The following NALCN variants were observed in gnomAD, a reference collection of about 807,000 sequenced individuals.
The protein encoded by NALCN is sodium leak channel, non-selective.
Under a neutral mutation model 225.3 loss-of-function variants are expected in NALCN, and 111 were observed. The observed-to-expected ratio is 0.49, with a 90% confidence interval of 0.42 to 0.58. NALCN has a LOEUF of 0.58. Ranked by LOEUF, NALCN falls within the 20% of genes least tolerant of loss-of-function variation. The pLI is 0.00. For synonymous variants in NALCN, 764 were observed against 769.0 expected (o/e 0.99, Z 0.11); for missense variants, 1,378 against 2,202.4 (o/e 0.63, Z 7.49).
chr13:101,128,753 G>A (rs371963756), intron 17 of NALCN, among the ~76,000 whole-genome samples: 278 of 151,782 alleles, frequency 1.8e-3, no homozygotes, highest in African/African-American at 6.3e-3. Flanking sequence ...TAAGAGATGG[G>A]GTTTCTTCAT....
chr13:101,259,372 C>T (rs1406467663), intron 10 of NALCN, among the ~76,000 whole-genome samples: 11 of 151,920 alleles, frequency 7.2e-5, no homozygotes, highest in African/African-American at 1.4e-4. Context: ...CTCGCTCTCT[C>T]GCCCAGGCTA....
chr13:101,089,558 T>C lies in NALCN; in HGVS notation c.3489+105A>G, dbSNP rs1267532410. On this transcript the variant is annotated intron_variant, in intron 30 of 43. Coordinates refer to ENST00000251127, the MANE Select transcript of NALCN (RefSeq NM_052867.4). The surrounding 1 kb of genome is among the most constrained non-coding windows in gnomAD (Gnocchi z 4.7). ...TAGAGATTATTTACACCAGTCACAT[T>C]ACAGTTTAAAGCGGCTTCACGCCGC... The C allele has an allele frequency of 3.3e-6, 3 of 912,078 alleles. No homozygotes were observed. Among genetic ancestry groups the C allele is most frequent in the Admixed American group, 2.5e-5 (1 of 40,554 alleles). The allele number at this position is 912,078 out of a possible 1,614,324, so 56.5% of individuals were successfully genotyped here. A position where few individuals can be genotyped will look rare whatever the true frequency, so the allele number is the denominator to read the frequency against.
At chr13:101,383,442 T>C (rs1009426421) in intron 3 of NALCN, among the ~76,000 whole-genome samples, 6 of 152,130 alleles carry the variant, frequency 3.9e-5, no homozygotes, top group Non-Finnish European at 8.8e-5. Context: ...ATGGTAAATG[T>C]TTGAGTGTAT....
At chr13:101,075,456 A>C (rs1323078174) in intron 35 of NALCN, among the ~76,000 whole-genome samples, 1 of 15,192 alleles carries the variant, frequency 6.6e-5, no homozygotes, top group East Asian at 7.5e-4. Context: ...TCCATCTCAA[A>C]AAAAAAAAAA....
intron 6 of NALCN, among the ~76,000 whole-genome samples, chr13:101,349,712 T>G (rs560974615): frequency 6.6e-6 from 1 of 152,282 alleles, no homozygotes; most frequent in Admixed American, 6.5e-5. Flanking sequence ...ACCTTTCTCT[T>G]TTCATGATAA....
At chr13:101,213,669 T>C (rs1480343610) in intron 13 of NALCN, among the ~76,000 whole-genome samples, 1 of 152,216 alleles carries the variant, frequency 6.6e-6, no homozygotes, top group Non-Finnish European at 1.5e-5. Flanking sequence ...AAGACATTTA[T>C]GCAGCCAAAA....
At chr13:101,274,142 C>T (rs517505) in intron 10 of NALCN, among the ~76,000 whole-genome samples, 123,833 of 152,076 alleles carry the variant, frequency 0.81, 50,775 homozygotes, top group African/African-American at 0.9. Flanking sequence ...GTCAAAGGTG[C>T]TCATATCCTT....
chr13:101,325,069 A>C (rs77902805), intron 7 of NALCN, among the ~76,000 whole-genome samples: 6,795 of 152,086 alleles, frequency 0.045, 338 homozygotes, highest in East Asian at 0.26. Flanking sequence ...CCAAAACTTC[A>C]CCTGTCTGTT....
intron 3 of NALCN, among the ~76,000 whole-genome samples, chr13:101,384,698 T>A (rs1271183314): frequency 6.6e-6 from 1 of 152,184 alleles, no homozygotes; most frequent in Non-Finnish European, 1.5e-5. Flanking sequence ...ATGCATGAAG[T>A]GCTCTGCAAC....
intron 14 of NALCN, among the ~76,000 whole-genome samples, chr13:101,191,570 A>G (rs749701496): frequency 4.6e-5 from 7 of 152,202 alleles, no homozygotes; most frequent in South Asian, 2.1e-4. Context: ...GTGTCTCTAC[A>G]TGAGAAAAAA....
chr13:101,336,071 A>G (rs1473543422), intron 7 of NALCN, among the ~76,000 whole-genome samples: 1 of 152,140 alleles, frequency 6.6e-6, no homozygotes. Context: ...GAATACTAAT[A>G]GAAAAAGATA....
In NALCN at chr13:101,104,491, C is replaced by T. The variant is rs764639466; in HGVS notation, c.2757+39G>A. The T allele has an allele frequency of 3.0e-5, 48 of 1,613,368 alleles. No individual in the cohort carries two copies. The highest frequency in any genetic ancestry group is 3.9e-5 in the Non-Finnish European group (46 of 1,179,602). On this transcript the variant is annotated intron_variant, in intron 24 of 43. Transcript: ENST00000251127. The surrounding 1 kb of genome is among the most constrained non-coding windows in gnomAD (Gnocchi z 4.2). ...AAAACAGCAGGTCAGTATTTTACCT[C>T]CTAGTTGTAAGCTGAGATTTTGCAG...
At chr13:101,078,767 T>A (rs565643270) in intron 34 of NALCN, among the ~76,000 whole-genome samples, 14 of 152,270 alleles carry the variant, frequency 9.2e-5, no homozygotes, top group Non-Finnish European at 1.9e-4. Flanking sequence ...AGGGTATGAT[T>A]GTATTTTGAA....
At chr13:101,083,925 C>T in intron 30 of NALCN, 121 bp from the exon 31 acceptor site, 4 of 818,762 alleles carry the variant, frequency 4.9e-6, no homozygotes, top group Non-Finnish European at 5.4e-6. Context: ...CATGTTCTTC[C>T]AACCGTGGTG....
intron 6 of NALCN, chr13:101,368,897 T>G (rs1039054559): frequency 4.6e-6 from 1 of 215,090 alleles, no homozygotes; most frequent in African/African-American, 2.4e-5. Context: ...TCCCAGCTAC[T>G]TGGGGGGCTG....
intron 18 of NALCN, chr13:101,116,902 C>T (rs1247957206): frequency 4.0e-6 from 2 of 503,214 alleles, no homozygotes; most frequent in Non-Finnish European, 7.9e-6. Context: ...ATGAGTATTT[C>T]CTGGAAATGG....
intron 14 of NALCN, among the ~76,000 whole-genome samples, chr13:101,191,605 TCC>T (rs1362942621): frequency 1.3e-5 from 2 of 152,190 alleles, no homozygotes; most frequent in Admixed American, 6.6e-5. Flanking sequence ...TCCGGTTTGA[TCC>T]TGAGATCATC....
chr13:101,323,244 G>T (rs777657755), intron 7 of NALCN, among the ~76,000 whole-genome samples: 1 of 152,146 alleles, frequency 6.6e-6, no homozygotes, highest in Admixed American at 6.5e-5. Context: ...AGAGACTGAT[G>T]AATAATGAAC....
intron 13 of NALCN, among the ~76,000 whole-genome samples, chr13:101,222,433 C>G (rs1410640462): frequency 1.3e-5 from 2 of 152,152 alleles, no homozygotes; most frequent in Admixed American, 1.3e-4. Context: ...TAGATCCTGA[C>G]CAATACTCAT....
Sources: gnomAD v4.1 joint callset for allele counts (sites outside exome capture counted in the v4.1 genomes callset) on GRCh38, gnomAD v4.1.1 for gene constraint, Gnocchi (gnomAD v3.1) non-coding constraint, MANE v1.5 for transcripts, NCBI Gene and HGNC (gene_info 2026-07-23, HGNC 2026-07-21) for gene names.